The following PGPEP1L variants were observed in gnomAD, a reference collection of about 807,000 sequenced individuals.
PGPEP1L encodes the protein pyroglutamyl-peptidase I like, also known as pyroglutamyl-peptidase 1-like protein.
Under a neutral mutation model 6.0 loss-of-function variants are expected in PGPEP1L, and 7 were observed. That is an observed-to-expected ratio of 1.17 (90% CI 0.66 to 2.19). The LOEUF (loss-of-function observed/expected upper bound fraction) is 2.19. Ranked by LOEUF, PGPEP1L falls within the 30% of genes most tolerant of loss-of-function variation. The pLI is 0.00. For missense variants in PGPEP1L, 209 were observed against 192.5 expected (o/e 1.09, Z -0.51); for synonymous variants, 103 against 83.9 (o/e 1.23, Z -1.24).
In PGPEP1L at chr15:98,971,203, G is replaced by T. The variant is rs750356740; in HGVS notation, c.-141-45C>A. 55 of 917,770 alleles carry T rather than the reference G, an allele frequency of 6.0e-5. 7 individuals carry two copies. Among genetic ancestry groups the T allele is most frequent in the Non-Finnish European group, 7.5e-5 (50 of 663,850 alleles). The allele number at this position is 917,770 out of a possible 1,614,324, so 56.9% of individuals were successfully genotyped here. ...GACTTGCCTCAGTTGATGGGGGGGGGGGGGGGGTGGGCACCAAGAGTCCCT... is the reference window on the plus strand; with the variant it reads ...GACTTGCCTCAGTTGATGGGGGGGGTGGGGGGGTGGGCACCAAGAGTCCCT... On this transcript the variant is annotated intron_variant, in intron 2 of 4. Transcript: ENST00000535714.
At chr15:98,979,719 T>C (rs1388288775) in intron 2 of PGPEP1L, among the ~76,000 whole-genome samples, 1 of 137,180 alleles carries the variant, frequency 7.3e-6, no homozygotes, top group Non-Finnish European at 1.5e-5. Context: ...GGCACAATCT[T>C]GGCTCACCGC....
At chr15:98,978,834 A>G (rs1405380225) in intron 2 of PGPEP1L, among the ~76,000 whole-genome samples, 4 of 149,370 alleles carry the variant, frequency 2.7e-5, no homozygotes, top group Admixed American at 1.3e-4. Flanking sequence ...GGTTCAAGCA[A>G]TTCTCCTGCC....
rs149778483 is a variant in PGPEP1L, at chr15:98,981,485, G to A, written c.-141-10327C>T. Among the ~76,000 whole-genome samples the A allele has an allele frequency of 3.3e-3, 416 of 124,638 alleles. 4 individuals carry two copies. The East Asian group carries it at 0.043, about 13-fold the overall frequency. 81.8% of individuals were successfully genotyped at this position (124,638 alleles called of 152,430 possible). A position where few individuals can be genotyped will look rare whatever the true frequency, so the allele number is the denominator to read the frequency against. ...AGCCTGGGCAACAGAGCAAGACTCC[G>A]TCTCAAAAAAAAAAAAAAAAACAAA... On this transcript the variant is annotated intron_variant, in intron 2 of 4. Coordinates refer to ENST00000535714, the MANE Select transcript of PGPEP1L (RefSeq NM_001167902.2).
chr15:98,977,539 G>A (rs189330456), intron 2 of PGPEP1L, among the ~76,000 whole-genome samples: 46 of 152,346 alleles, frequency 3.0e-4, no homozygotes, highest in Non-Finnish European at 5.6e-4. Context: ...TGTGGCCAGA[G>A]AACACACTTT....
At chr15:98,975,634 A>G (rs1284871420) in intron 2 of PGPEP1L, among the ~76,000 whole-genome samples, 1 of 152,174 alleles carries the variant, frequency 6.6e-6, no homozygotes, top group African/African-American at 2.4e-5. Context: ...TAATCCCAGC[A>G]CTTTGGGAGG....
chr15:98,969,127 A>G (rs1777804473), intron 4 of PGPEP1L, among the ~76,000 whole-genome samples: 1 of 152,194 alleles, frequency 6.6e-6, no homozygotes, highest in South Asian at 2.1e-4. Flanking sequence ...CCAAAAATCA[A>G]AATCAGAAAA....
At chr15:99,006,903 G>A (rs115105922) in intron 1 of PGPEP1L, among the ~76,000 whole-genome samples, 1,680 of 152,274 alleles carry the variant, frequency 0.011, 40 homozygotes, top group African/African-American at 0.039. Context: ...TAGGTCTGGG[G>A]AGGAGAAGCT....
intron 1 of PGPEP1L, 64 bp downstream of exon 1, chr15:99,007,295 A>C (rs1209947800): frequency 1.3e-5 from 2 of 152,180 alleles, no homozygotes; most frequent in East Asian, 3.9e-4. Context: ...TATACCCCGG[A>C]TGCACTTGTA....
At chr15:99,005,013 G>C (rs141509484) in intron 2 of PGPEP1L, among the ~76,000 whole-genome samples, 1 of 151,922 alleles carries the variant, frequency 6.6e-6, no homozygotes, top group Non-Finnish European at 1.5e-5. Flanking sequence ...GCCTTGTGAG[G>C]GCCCTGTGGT....
At chr15:98,991,034 T>G (rs1411214848) in intron 2 of PGPEP1L, among the ~76,000 whole-genome samples, 1 of 151,972 alleles carries the variant, frequency 6.6e-6, no homozygotes, top group African/African-American at 2.4e-5. Context: ...ATCAACACCC[T>G]AACATCACAA....
At chr15:98,998,868 G>T (rs1555472709) in intron 2 of PGPEP1L, among the ~76,000 whole-genome samples, 1 of 152,188 alleles carries the variant, frequency 6.6e-6, no homozygotes, top group Non-Finnish European at 1.5e-5. Flanking sequence ...CCAGCTACTA[G>T]GAAGGCTGAG....
chr15:98,982,630 G>C (rs1218844310), intron 2 of PGPEP1L, among the ~76,000 whole-genome samples: 1 of 149,886 alleles, frequency 6.7e-6, no homozygotes, highest in Non-Finnish European at 1.5e-5. Flanking sequence ...TATCATAGGT[G>C]AGGTCTGTGT....
At chr15:98,972,964 G>C (rs770968810) in intron 2 of PGPEP1L, among the ~76,000 whole-genome samples, 1 of 148,078 alleles carries the variant, frequency 6.8e-6, no homozygotes, top group Non-Finnish European at 1.5e-5. Flanking sequence ...GTCTACAAGA[G>C]ACTCACTTTA....
Position 98,968,704 on chromosome 15 carries a change from C to T in PGPEP1L, c.210-7G>A. ...GGTATAATCACAGACGTATCTGCAACCACAGGAAATGCCACATTAATTCTC... is the reference window on the plus strand; with the variant it reads ...GGTATAATCACAGACGTATCTGCAATCACAGGAAATGCCACATTAATTCTC... On this transcript the variant is annotated splice_polypyrimidine_tract_variant and splice_region_variant and intron_variant, in intron 4 of 4. Transcript: ENST00000535714. The T allele has an allele frequency of 6.4e-7, 1 of 1,556,470 alleles. No homozygotes were observed. The highest frequency in any genetic ancestry group is 8.7e-7 in the Non-Finnish European group (1 of 1,149,670).
rs200067504 is a variant in PGPEP1L, at chr15:99,000,806, G to GA, written c.-142+4622dup. Among the ~76,000 whole-genome samples the GA allele has an allele frequency of 2.0e-3, 300 of 152,006 alleles. 8 individuals carry two copies. The East Asian group carries it at 0.043, about 22-fold the overall frequency. ...AGGATGTGGGTGGGGCCAGATAAGA[G>GA]AAAAAAAAGCAGGCTGCGGGAGCCA... On this transcript the variant is annotated intron_variant, in intron 2 of 4. Transcript: ENST00000535714.
intron 2 of PGPEP1L, among the ~76,000 whole-genome samples, chr15:98,999,568 T>G (rs1055692692): frequency 7.2e-5 from 11 of 152,230 alleles, no homozygotes; most frequent in African/African-American, 2.7e-4. Context: ...TTTGCACTCC[T>G]GGACATTTAT....
At chr15:98,981,220 C>T (rs952749605) in intron 2 of PGPEP1L, among the ~76,000 whole-genome samples, 6 of 152,028 alleles carry the variant, frequency 3.9e-5, no homozygotes, top group African/African-American at 1.2e-4. Flanking sequence ...TGGCCGGGCG[C>T]GGTGGCTCCC....
intron 2 of PGPEP1L, among the ~76,000 whole-genome samples, chr15:98,981,382 C>G (rs1048855953): frequency 1.3e-5 from 2 of 150,764 alleles, no homozygotes; most frequent in Non-Finnish European, 2.9e-5. Flanking sequence ...CCCAGCTACT[C>G]GAGAGGCTGA....
chr15:98,985,399 G>A (rs548936436), intron 2 of PGPEP1L, among the ~76,000 whole-genome samples: 51 of 152,262 alleles, frequency 3.3e-4, no homozygotes, highest in Middle Eastern at 3.4e-3. Context: ...ATTAGCTGGC[G>A]TGATGGCAGG....
Sources: gnomAD v4.1 joint callset for allele counts (sites outside exome capture counted in the v4.1 genomes callset) on GRCh38, gnomAD v4.1.1 for gene constraint, MANE v1.5 for transcripts, NCBI Gene and HGNC (gene_info 2026-07-23, HGNC 2026-07-21) for gene names.